The following SNAP23 variants were observed in gnomAD, a reference collection of about 807,000 sequenced individuals.
The protein encoded by SNAP23 is synaptosomal-associated protein 23.
In SNAP23, 11 loss-of-function variants were observed where a neutral mutation model predicts 29.0. The ratio of observed to expected loss-of-function variants is 0.38; its 90% CI spans 0.24 to 0.63. The LOEUF is 0.63. Among genes scored for constraint, SNAP23 ranks in the 20% least tolerant of loss-of-function variants. SNAP23 has a pLI of 0.58. For synonymous variants in SNAP23, 60 were observed against 82.9 expected (o/e 0.72, Z 1.50); for missense variants, 220 against 253.9 (o/e 0.87, Z 0.91).
intron 5 of SNAP23, among the ~76,000 whole-genome samples, chr15:42,522,479 A>C (rs375022265): frequency 6.6e-6 from 1 of 152,130 alleles, no homozygotes; most frequent in Non-Finnish European, 1.5e-5. Context: ...AATTATGAAC[A>C]TGATTAAATG....
chr15:42,502,202 T>G (rs1233426991), intron 1 of SNAP23, among the ~76,000 whole-genome samples: 1 of 134,174 alleles, frequency 7.5e-6, no homozygotes, highest in Non-Finnish European at 1.6e-5. Context: ...TAATTTTCTG[T>G]TTTTTAGTAG....
chr15:42,520,045 C>CTTTTTTTT (rs201577060), intron 5 of SNAP23, among the ~76,000 whole-genome samples: 10 of 92,962 alleles, frequency 1.1e-4, no homozygotes, highest in African/African-American at 1.5e-4. Flanking sequence ...AACCCCCTTG[C>CTTTTTTTT]TTTTTTTTTT....
At chr15:42,520,358 T>G (rs1276466885) in intron 5 of SNAP23, among the ~76,000 whole-genome samples, 2 of 151,616 alleles carry the variant, frequency 1.3e-5, no homozygotes, top group Non-Finnish European at 2.9e-5. Context: ...CCACAAATCC[T>G]TTTTTAAAAT....
intron 1 of SNAP23, among the ~76,000 whole-genome samples, chr15:42,510,721 T>G (rs1345824577): frequency 6.6e-6 from 1 of 152,184 alleles, no homozygotes; most frequent in Non-Finnish European, 1.5e-5. Flanking sequence ...GGAATTAAGT[T>G]TTCTGCTTAT....
chr15:42,520,328 C>T (rs911034990), intron 5 of SNAP23, among the ~76,000 whole-genome samples: 4 of 152,036 alleles, frequency 2.6e-5, no homozygotes, highest in Admixed American at 6.5e-5. Flanking sequence ...GGATTACAGG[C>T]GTGAGCCACC....
intron 3 of SNAP23, 86 bp downstream of exon 3, chr15:42,513,082 A>C (rs2057369645): frequency 1.0e-6 from 1 of 959,446 alleles, no homozygotes; most frequent in Non-Finnish European, 1.7e-6. Context: ...ATTAAAGGGT[A>C]ATGTATCAAT....
At chr15:42,516,763 TTC>T (rs1413725015) in intron 5 of SNAP23, among the ~76,000 whole-genome samples, 7 of 152,268 alleles carry the variant, frequency 4.6e-5, no homozygotes, top group African/African-American at 1.7e-4. Flanking sequence ...TTTATGCCAT[TTC>T]TGTTATAGAA....
At chr15:42,519,490 A>G (rs887975865) in intron 5 of SNAP23, among the ~76,000 whole-genome samples, 18 of 150,968 alleles carry the variant, frequency 1.2e-4, no homozygotes, top group Admixed American at 1.1e-3. Flanking sequence ...TCATGCCTCA[A>G]CCACCCAAGT....
chr15:42,496,150 C>T (rs1022354872), intron 1 of SNAP23, among the ~76,000 whole-genome samples: 1 of 152,096 alleles, frequency 6.6e-6, no homozygotes, highest in Non-Finnish European at 1.5e-5. Flanking sequence ...CATTACTGCA[C>T]AAATTAGAGG....
Position 42,511,920 on chromosome 15 carries a change from A to C in SNAP23, c.57+17A>C. 2.0e-6 allele frequency: 3 copies of C among 1,515,764 alleles called. No homozygotes were observed. The highest frequency in any genetic ancestry group is 2.7e-6 in the Non-Finnish European group (3 of 1,102,474). 93.9% of individuals were successfully genotyped at this position (1,515,764 alleles called of 1,614,324 possible). A position where few individuals can be genotyped will look rare whatever the true frequency, so the allele number is the denominator to read the frequency against. ...ACTGATGAGGTAAATGTTTTACCTA[A>C]AATAAGTAAATAATTCTATTTCAGT... On this transcript the variant is annotated intron_variant, in intron 2 of 7. Coordinates refer to ENST00000249647, the MANE Select transcript of SNAP23 (RefSeq NM_003825.4).
chr15:42,529,927 C>T, intron 7 of SNAP23, 108 bp downstream of exon 7: 1 of 1,198,136 alleles, frequency 8.3e-7, no homozygotes, highest in Non-Finnish European at 1.2e-6. Context: ...AGCTCCTGTC[C>T]TCATAGGTCT....
intron 2 of SNAP23, among the ~76,000 whole-genome samples, 191 bp from the exon 3 acceptor site, chr15:42,512,764 G>A (rs2057367333): frequency 6.6e-6 from 1 of 151,248 alleles, no homozygotes. Context: ...TGTCTGGGCT[G>A]GTCTTGAGCT....
intron 1 of SNAP23, among the ~76,000 whole-genome samples, chr15:42,508,102 A>G (rs1458745110): frequency 1.3e-5 from 2 of 151,946 alleles, no homozygotes; most frequent in African/African-American, 4.8e-5. Context: ...CTGTCTCTAT[A>G]AAACAGCTTA....
intron 1 of SNAP23, 80 bp from the exon 2 acceptor site, chr15:42,511,753 T>C: frequency 1.4e-6 from 1 of 723,642 alleles, no homozygotes; most frequent in Non-Finnish European, 2.2e-6. Flanking sequence ...ATTCCATAAA[T>C]CTACACTTTT....
chr15:42,505,904 C>A (rs371621806), intron 1 of SNAP23, among the ~76,000 whole-genome samples: 29 of 150,968 alleles, frequency 1.9e-4, no homozygotes, highest in East Asian at 9.7e-4. Context: ...TCCCTCCCTT[C>A]CATTTCTTTT....
At chr15:42,527,235 G>A (rs542214562) in intron 5 of SNAP23, among the ~76,000 whole-genome samples, 5 of 152,166 alleles carry the variant, frequency 3.3e-5, no homozygotes, top group Admixed American at 2.0e-4. Context: ...TTATTTGTCC[G>A]CTGATTGTCC....
intron 6 of SNAP23, among the ~76,000 whole-genome samples, chr15:42,529,442 G>A: frequency 6.6e-6 from 1 of 152,194 alleles, no homozygotes; most frequent in East Asian, 1.9e-4. Flanking sequence ...TAAGCTTTGA[G>A]AAACACTGTT....
intron 5 of SNAP23, among the ~76,000 whole-genome samples, chr15:42,527,037 C>T (rs1336189616): frequency 1.3e-5 from 2 of 151,960 alleles, no homozygotes; most frequent in Non-Finnish European, 2.9e-5. Context: ...GGGGTTTCAC[C>T]ATGTTGCCCA....
intron 1 of SNAP23, among the ~76,000 whole-genome samples, chr15:42,502,237 G>A (rs1213072446): frequency 6.6e-6 from 1 of 151,958 alleles, no homozygotes; most frequent in East Asian, 1.9e-4. Context: ...TGTTAGCCAG[G>A]ATGGTCTCGA....
Sources: gnomAD v4.1 joint callset for allele counts (sites outside exome capture counted in the v4.1 genomes callset) on GRCh38, gnomAD v4.1.1 for gene constraint, MANE v1.5 for transcripts, NCBI Gene and HGNC (gene_info 2026-07-23, HGNC 2026-07-21) for gene names.